The following RAB11FIP4 variants were observed in gnomAD, a reference collection of about 807,000 sequenced individuals.
The protein encoded by RAB11FIP4 is rab11 family-interacting protein 4.
In RAB11FIP4, 23 loss-of-function variants were observed where a neutral mutation model predicts 74.3. The ratio of observed to expected loss-of-function variants is 0.31; its 90% CI spans 0.22 to 0.44. RAB11FIP4 has a LOEUF of 0.44. Ranked by LOEUF, RAB11FIP4 falls within the 20% of genes least tolerant of loss-of-function variation. RAB11FIP4 has a pLI of 1.00. For synonymous variants in RAB11FIP4, 360 were observed against 359.9 expected, an observed-to-expected ratio of 1.00 and a Z score of 0.00; for missense variants, 630 against 863.9, an observed-to-expected ratio of 0.73 and a Z score of 3.39.
intron 1 of RAB11FIP4, among the ~76,000 whole-genome samples, chr17:31,401,218 G>A (rs558793972): frequency 6.6e-6 from 1 of 151,856 alleles, no homozygotes; most frequent in African/African-American, 2.4e-5. Flanking sequence ...CTTGCAGTGA[G>A]CCAAGATCAC....
At chr17:31,494,666 G>A (rs1443501587) in intron 3 of RAB11FIP4, among the ~76,000 whole-genome samples, 1 of 151,880 alleles carries the variant, frequency 6.6e-6, no homozygotes, top group Non-Finnish European at 1.5e-5. Context: ...AAGTAGAAAT[G>A]AGGTGTTACT....
At chr17:31,428,163 G>A (rs2071271593) in intron 1 of RAB11FIP4, among the ~76,000 whole-genome samples, 1 of 152,190 alleles carries the variant, frequency 6.6e-6, no homozygotes, top group Non-Finnish European at 1.5e-5. Context: ...GGTTAGGGTG[G>A]GGCCTCTTTG....
At chr17:31,431,470 G>A (rs972291770) in intron 1 of RAB11FIP4, 2 of 234,546 alleles carry the variant, frequency 8.5e-6, no homozygotes, top group African/African-American at 2.3e-5. Flanking sequence ...CAATGAGTTT[G>A]TGTCTGTTTT....
At chr17:31,494,249 A>C (rs973327603) in intron 3 of RAB11FIP4, among the ~76,000 whole-genome samples, 3 of 152,134 alleles carry the variant, frequency 2.0e-5, no homozygotes, top group African/African-American at 4.8e-5. Flanking sequence ...ATCTTAGACA[A>C]GTTATTTAAT....
intron 1 of RAB11FIP4, among the ~76,000 whole-genome samples, chr17:31,401,892 G>T (rs1201038759): frequency 6.6e-6 from 1 of 152,200 alleles, no homozygotes; most frequent in African/African-American, 2.4e-5. Flanking sequence ...CTGAGTTCTT[G>T]TTCATATAAC....
chr17:31,487,942 G>T, intron 3 of RAB11FIP4: 3 of 687,506 alleles, frequency 4.4e-6, no homozygotes, highest in Non-Finnish European at 5.4e-6. Context: ...GGGTTCCGGG[G>T]CCGCGTCCCT....
intron 5 of RAB11FIP4, 66 bp downstream of exon 5, chr17:31,521,426 GGGGGT>G: frequency 2.9e-6 from 4 of 1,395,480 alleles, no homozygotes; most frequent in African/African-American, 3.0e-5. Context: ...GCACATCCTA[GGGGGT>G]GGGGGGGTGC....
intron 1 of RAB11FIP4, among the ~76,000 whole-genome samples, chr17:31,395,983 A>G (rs1174638183): frequency 2.0e-5 from 3 of 151,914 alleles, no homozygotes; most frequent in African/African-American, 7.3e-5. Flanking sequence ...GGAGTTCCAC[A>G]CCAGCCTGGG....
At chr17:31,429,849 A>G (rs1451303658) in intron 1 of RAB11FIP4, among the ~76,000 whole-genome samples, 1 of 151,134 alleles carries the variant, frequency 6.6e-6, no homozygotes, top group African/African-American at 2.4e-5. Context: ...AAAAAAAAAA[A>G]AGAATCCTTC....
At chr17:31,479,593 C>A (rs1376392485) in intron 3 of RAB11FIP4, among the ~76,000 whole-genome samples, 1 of 152,196 alleles carries the variant, frequency 6.6e-6, no homozygotes, top group East Asian at 1.9e-4. Flanking sequence ...CTCTTAGTAA[C>A]ACAGCTTGTG....
intron 3 of RAB11FIP4, among the ~76,000 whole-genome samples, chr17:31,485,520 C>T (rs747503240): frequency 6.6e-6 from 1 of 152,146 alleles, no homozygotes; most frequent in Admixed American, 6.5e-5. Flanking sequence ...ACGATCCTGT[C>T]ATGTGACCTG....
chr17:31,523,234 A>G (rs1346263728), intron 7 of RAB11FIP4: 3 of 488,112 alleles, frequency 6.1e-6, no homozygotes, highest in Middle Eastern at 5.7e-4. Context: ...GCAGGCCAGC[A>G]TGCTGGCGTG....
chr17:31,396,190 A>T (rs1258113876), intron 1 of RAB11FIP4, among the ~76,000 whole-genome samples: 1 of 124,962 alleles, frequency 8.0e-6, no homozygotes, highest in East Asian at 2.1e-4. Context: ...CCACAAAAAA[A>T]AAAAAAAGAA....
At chr17:31,447,263 C>T (rs763080871) in intron 3 of RAB11FIP4, among the ~76,000 whole-genome samples, 2 of 152,082 alleles carry the variant, frequency 1.3e-5, no homozygotes, top group Admixed American at 1.3e-4. Flanking sequence ...CAACCTGGGC[C>T]ACAGAGCGTG....
intron 3 of RAB11FIP4, among the ~76,000 whole-genome samples, chr17:31,491,240 T>C (rs7215205): frequency 0.69 from 104,617 of 152,184 alleles, 36,698 homozygotes; most frequent in African/African-American, 0.83. Context: ...CATTTCTGTT[T>C]GCTCAGCCCC....
intron 1 of RAB11FIP4, among the ~76,000 whole-genome samples, chr17:31,426,517 GT>G (rs34251613): frequency 0.27 from 40,970 of 151,304 alleles, 7,857 homozygotes; most frequent in African/African-American, 0.54. Context: ...TGAGCCTGTG[GT>G]TGATGGTATG....
intron 3 of RAB11FIP4, among the ~76,000 whole-genome samples, chr17:31,463,747 G>A (rs1041380735): frequency 2.2e-5 from 3 of 136,476 alleles, no homozygotes; most frequent in South Asian, 2.4e-4. Flanking sequence ...TCAGGTGATC[G>A]CTCGCCTAGG....
chr17:31,528,325 A>G, intron 11 of RAB11FIP4, 81 bp from the exon 12 acceptor site: 1 of 1,501,096 alleles, frequency 6.7e-7, no homozygotes, highest in Non-Finnish European at 8.9e-7. Context: ...AAGATGGCTG[A>G]CCAGACCCCA....
At chr17:31,409,765 A>G (rs548659998) in intron 1 of RAB11FIP4, among the ~76,000 whole-genome samples, 8 of 152,320 alleles carry the variant, frequency 5.3e-5, no homozygotes, top group Admixed American at 2.6e-4. Context: ...AGTGTGTAAC[A>G]GGGGCACAGT....
Sources: gnomAD v4.1 joint callset for allele counts (sites outside exome capture counted in the v4.1 genomes callset) on GRCh38, gnomAD v4.1.1 for gene constraint, MANE v1.5 for transcripts, NCBI Gene and HGNC (gene_info 2026-07-23, HGNC 2026-07-21) for gene names.